PLCL1: variants seen among roughly 807,000 people sequenced by gnomAD.
The protein encoded by PLCL1 is phospholipase C like 1 (inactive), also known as inactive phospholipase C-like protein 1.
A neutral mutation model predicts 84.4 loss-of-function variants in PLCL1; 41 were observed. The observed-to-expected ratio is 0.49, with a 90% CI of 0.38 to 0.63. PLCL1 has a LOEUF of 0.63. Among genes scored for constraint, PLCL1 ranks in the 30% least tolerant of loss-of-function variants. The pLI is 0.00. For synonymous variants in PLCL1, 490 were observed against 488.3 expected, an observed-to-expected ratio of 1.00 and a Z score of -0.05; for missense variants, 1,206 against 1,367.8, an observed-to-expected ratio of 0.88 and a Z score of 1.87.
At chr2:198,060,158 A>G (rs1187814000) in intron 1 of PLCL1, among the ~76,000 whole-genome samples, 1 of 152,228 alleles carries the variant, frequency 6.6e-6, no homozygotes, top group Non-Finnish European at 1.5e-5. Context: ...TGAAGAAATC[A>G]GAAACGACCA....
chr2:198,070,808 C>G (rs1242889377), intron 1 of PLCL1, among the ~76,000 whole-genome samples: 1 of 151,860 alleles, frequency 6.6e-6, no homozygotes, highest in Non-Finnish European at 1.5e-5. Context: ...CAAAGTGTAT[C>G]TATTGTTCTG....
At chr2:197,903,568 C>T (rs1574940683) in intron 1 of PLCL1, among the ~76,000 whole-genome samples, 1 of 140,698 alleles carries the variant, frequency 7.1e-6, no homozygotes, top group African/African-American at 2.6e-5. Context: ...ACTGCAAGCT[C>T]CTCCTCCCGG....
chr2:197,952,384 G>A (rs1689404756), intron 1 of PLCL1, among the ~76,000 whole-genome samples: 1 of 152,100 alleles, frequency 6.6e-6, no homozygotes, highest in Admixed American at 6.6e-5. Context: ...GGCCTATTTT[G>A]TTGGTCTTTT....
chr2:198,014,075 A>T (rs1690933484), intron 1 of PLCL1, among the ~76,000 whole-genome samples: 1 of 152,108 alleles, frequency 6.6e-6, no homozygotes, highest in Admixed American at 6.6e-5. Flanking sequence ...ATTTCTAGAA[A>T]AGCATCTCAG....
intron 1 of PLCL1, among the ~76,000 whole-genome samples, chr2:198,021,649 A>G (rs546300660): frequency 7.9e-5 from 12 of 152,332 alleles, no homozygotes; most frequent in African/African-American, 2.9e-4. Context: ...TCTAGAAGAA[A>G]TGGATAAATT....
intron 1 of PLCL1, among the ~76,000 whole-genome samples, chr2:198,042,729 A>G (rs900950247): frequency 2.0e-5 from 3 of 152,240 alleles, no homozygotes; most frequent in Non-Finnish European, 2.9e-5. Context: ...TATTACGTGC[A>G]TAGTCAGAAA....
At chr2:197,986,363 T>C (rs74328227) in intron 1 of PLCL1, among the ~76,000 whole-genome samples, 3,099 of 152,228 alleles carry the variant, frequency 0.02, 92 homozygotes, top group African/African-American at 0.072. Flanking sequence ...TTAAAAATTA[T>C]TATTTTAGAG....
chr2:198,147,028 T>A lies in PLCL1; in HGVS notation c.*66T>A. On this transcript the variant is annotated 3_prime_UTR_variant, in exon 6 of 6. Coordinates refer to ENST00000428675, the MANE Select transcript of PLCL1 (RefSeq NM_006226.4). ...CTCTGGTTTCTCATTCTTGTTTTCT[T>A]TCTTTAAATGTTTTATAAGTTCACA... 1 of 1,353,164 alleles carries A rather than the reference T, an allele frequency of 7.4e-7. No individual in the cohort carries two copies. Among genetic ancestry groups the A allele is most frequent in the Non-Finnish European group, 1.0e-6 (1 of 1,004,756 alleles). 83.8% of individuals were successfully genotyped at this position (1,353,164 alleles called of 1,614,324 possible).
intron 5 of PLCL1, among the ~76,000 whole-genome samples, chr2:198,134,840 G>A (rs1031875572): frequency 6.6e-6 from 1 of 152,140 alleles, no homozygotes; most frequent in Non-Finnish European, 1.5e-5. Flanking sequence ...AGGTGGTGAA[G>A]CAGCTGAAGC....
At chr2:197,960,456 C>A (rs1689589246) in intron 1 of PLCL1, among the ~76,000 whole-genome samples, 1 of 152,034 alleles carries the variant, frequency 6.6e-6, no homozygotes. Context: ...ATTACTTCAA[C>A]CAGGACAAAT....
Position 198,141,055 on chromosome 2 carries a change from T to C in PLCL1, c.3106-5725T>C, listed in dbSNP as rs150021105. Among the ~76,000 whole-genome samples, 18 of 152,272 alleles carry C rather than the reference T, an allele frequency of 1.2e-4. No individual in the cohort carries two copies. The East Asian group carries it at 3.5e-3, about 29-fold the overall frequency. On this transcript the variant is annotated intron_variant, in intron 5 of 5. Transcript: ENST00000428675. ...TAAAGATTTGAAAAGCAGAGTTTCATTTGTTTTGGGTTTAGAGTTTCAGAA... is the reference window on the plus strand; with the variant it reads ...TAAAGATTTGAAAAGCAGAGTTTCACTTGTTTTGGGTTTAGAGTTTCAGAA...
chr2:197,904,720 T>C (rs1688342228), intron 1 of PLCL1, among the ~76,000 whole-genome samples: 2 of 151,830 alleles, frequency 1.3e-5, no homozygotes, highest in African/African-American at 4.8e-5. Context: ...TGGCAAGGTA[T>C]ATTGGTCTGA....
chr2:197,955,286 C>T (rs976721350), intron 1 of PLCL1, among the ~76,000 whole-genome samples: 1 of 152,008 alleles, frequency 6.6e-6, no homozygotes, highest in African/African-American at 2.4e-5. Flanking sequence ...AAATAAAACC[C>T]AAACACTGCA....
At chr2:197,947,401 T>C (rs542706534) in intron 1 of PLCL1, among the ~76,000 whole-genome samples, 2 of 151,846 alleles carry the variant, frequency 1.3e-5, no homozygotes, top group African/African-American at 2.4e-5. Flanking sequence ...GTGTGGGGCG[T>C]GGGAAACAAA....
At chr2:198,120,854 G>T (rs192432801) in intron 5 of PLCL1, among the ~76,000 whole-genome samples, 1 of 152,076 alleles carries the variant, frequency 6.6e-6, no homozygotes, top group East Asian at 1.9e-4. Flanking sequence ...TTGCTGGATT[G>T]TATGGTAGCT....
chr2:198,089,433 C>T (rs138505628), intron 3 of PLCL1, among the ~76,000 whole-genome samples: 1 of 152,264 alleles, frequency 6.6e-6, no homozygotes, highest in Non-Finnish European at 1.5e-5. Context: ...ATGGTTGAGA[C>T]AAAATTTATA....
At chr2:197,845,356 C>T (rs560927939) in intron 1 of PLCL1, among the ~76,000 whole-genome samples, 84 of 151,892 alleles carry the variant, frequency 5.5e-4, no homozygotes, top group Non-Finnish European at 3.8e-4. Context: ...CTTAAGTAGA[C>T]TAGGAAGAAA....
chr2:197,989,732 A>AC (rs1690298259), intron 1 of PLCL1, among the ~76,000 whole-genome samples: 1 of 148,126 alleles, frequency 6.8e-6, no homozygotes, highest in African/African-American at 2.6e-5. Context: ...ACAAAAAACA[A>AC]AAAAAAAAGT....
intron 1 of PLCL1, among the ~76,000 whole-genome samples, chr2:197,952,087 TG>T (rs1199625228): frequency 2.6e-5 from 4 of 152,138 alleles, no homozygotes; most frequent in African/African-American, 7.2e-5. Flanking sequence ...CAAACCTGAA[TG>T]AGAACAGCCT....
Sources: gnomAD v4.1 joint callset for allele counts (sites outside exome capture counted in the v4.1 genomes callset) on GRCh38, gnomAD v4.1.1 for gene constraint, MANE v1.5 for transcripts, NCBI Gene and HGNC (gene_info 2026-07-23, HGNC 2026-07-21) for gene names.